The following PLCXD3 variants were observed in gnomAD, a reference collection of about 807,000 sequenced individuals.
The protein encoded by PLCXD3 is phosphatidylinositol specific phospholipase C X domain containing 3.
Under a neutral mutation model 25.5 loss-of-function variants are expected in PLCXD3, and 19 were observed. The observed-to-expected ratio is 0.75, with a 90% CI of 0.52 to 1.09. The LOEUF (loss-of-function observed/expected upper bound fraction) is 1.09. PLCXD3 is among the 50% of genes least tolerant of loss of function. The pLI is 0.00. For synonymous variants in PLCXD3, 174 were observed against 137.6 expected, an observed-to-expected ratio of 1.26 and a Z score of -1.85; for missense variants, 411 against 388.1, an observed-to-expected ratio of 1.06 and a Z score of -0.50.
intron 1 of PLCXD3, among the ~76,000 whole-genome samples, chr5:41,481,102 TAAAAAAAA>T (rs554092157): frequency 1.4e-5 from 1 of 72,908 alleles, no homozygotes; most frequent in Non-Finnish European, 2.6e-5. Flanking sequence ...ACCTAATTTG[TAAAAAAAA>T]AAAAAAAAAA....
chr5:41,407,744 T>A (rs1016300823), intron 1 of PLCXD3, among the ~76,000 whole-genome samples: 13 of 152,208 alleles, frequency 8.5e-5, no homozygotes, highest in African/African-American at 3.1e-4. Flanking sequence ...ATACATTTTT[T>A]AATATTAAAC....
chr5:41,504,600 G>T (rs991173870), intron 1 of PLCXD3, among the ~76,000 whole-genome samples: 2 of 152,188 alleles, frequency 1.3e-5, no homozygotes, highest in Admixed American at 6.5e-5. Flanking sequence ...CATGCTCAAT[G>T]TTGGGCCTCT....
At chr5:41,491,675 T>G (rs1377961770) in intron 1 of PLCXD3, among the ~76,000 whole-genome samples, 1 of 152,108 alleles carries the variant, frequency 6.6e-6, no homozygotes, top group African/African-American at 2.4e-5. Flanking sequence ...ATTCATCCCT[T>G]TAGCATTATG....
intron 2 of PLCXD3, among the ~76,000 whole-genome samples, chr5:41,319,788 G>GA (rs914818593): frequency 2.6e-5 from 4 of 151,708 alleles, no homozygotes; most frequent in Non-Finnish European, 4.4e-5. Flanking sequence ...CAATTGAAAT[G>GA]AAAAAAATAC....
At chr5:41,363,338 A>AT (rs1422959588) in intron 2 of PLCXD3, among the ~76,000 whole-genome samples, 1 of 152,206 alleles carries the variant, frequency 6.6e-6, no homozygotes, top group African/African-American at 2.4e-5. Flanking sequence ...TGTTCTGTAA[A>AT]TATCTACTGC....
At position 41,381,325 on chromosome 5, in the gene PLCXD3, C is replaced by T. The variant is rs139851442; in HGVS notation, c.812+501G>A. ...TTGATCTGTGGTCCACAAAAATACACGTTAAAGTCCTAACCCCTGCTACAT... is the reference window on the plus strand; with the variant it reads ...TTGATCTGTGGTCCACAAAAATACATGTTAAAGTCCTAACCCCTGCTACAT... On this transcript the variant is annotated intron_variant, in intron 2 of 2. Coordinates refer to ENST00000377801, the MANE Select transcript of PLCXD3 (RefSeq NM_001005473.3). Among the ~76,000 whole-genome samples, 19 of 152,148 alleles carry T rather than the reference C, an allele frequency of 1.2e-4. No homozygotes were observed. The East Asian group carries it at 3.3e-3, about 26-fold the overall frequency.
At chr5:41,464,724 A>G (rs1171521581) in intron 1 of PLCXD3, among the ~76,000 whole-genome samples, 2 of 152,030 alleles carry the variant, frequency 1.3e-5, no homozygotes, top group Non-Finnish European at 2.9e-5. Context: ...ATTCTCATCC[A>G]TTATCTCATT....
chr5:41,473,727 A>C (rs1350885635), intron 1 of PLCXD3, among the ~76,000 whole-genome samples: 2 of 152,060 alleles, frequency 1.3e-5, no homozygotes, highest in Non-Finnish European at 2.9e-5. Context: ...AAGTGTTGGG[A>C]TCACAGGCGT....
rs1029551714 is a variant in PLCXD3, at chr5:41,313,553, A to C, written c.*64T>G. ...GGAATAGGAAGATCAGAGTGTTTAC[A>C]GATAGTATGCCCTAATACAATGAGC... On this transcript the variant is annotated 3_prime_UTR_variant, in exon 3 of 3. Coordinates refer to ENST00000377801, the MANE Select transcript of PLCXD3 (RefSeq NM_001005473.3). 1.8e-5 allele frequency: 28 copies of C among 1,586,926 alleles called. No homozygotes were observed. Among genetic ancestry groups the C allele is most frequent in the Non-Finnish European group, 2.4e-5 (28 of 1,156,656 alleles).
intron 1 of PLCXD3, among the ~76,000 whole-genome samples, chr5:41,487,213 T>C (rs1748539321): frequency 6.6e-6 from 1 of 152,230 alleles, no homozygotes; most frequent in Non-Finnish European, 1.5e-5. Context: ...TCAATTATCA[T>C]GTGCCTCATT....
chr5:41,333,643 C>T (rs1189506572), intron 2 of PLCXD3, among the ~76,000 whole-genome samples: 1 of 151,944 alleles, frequency 6.6e-6, no homozygotes, highest in South Asian at 2.1e-4. Flanking sequence ...ATATTTTTCC[C>T]CTAAAATTAC....
intron 2 of PLCXD3, among the ~76,000 whole-genome samples, chr5:41,342,852 T>G (rs958053491): frequency 6.6e-6 from 1 of 152,122 alleles, no homozygotes; most frequent in African/African-American, 2.4e-5. Context: ...GCTTCACAAT[T>G]TGAAAAATAT....
At chr5:41,503,552 A>G (rs928762079) in intron 1 of PLCXD3, among the ~76,000 whole-genome samples, 3 of 152,066 alleles carry the variant, frequency 2.0e-5, no homozygotes, top group African/African-American at 7.2e-5. Flanking sequence ...ATATTTAACC[A>G]TCTCCTCCTA....
rs1375534480 is a variant in PLCXD3 at position 41,501,125 on chromosome 5, C to G, written c.103+9299G>C. Among the ~76,000 whole-genome samples, 2 of 151,920 alleles carry G rather than the reference C, an allele frequency of 1.3e-5. 1 individual carries two copies. Among genetic ancestry groups the G allele is most frequent in the South Asian group, 4.1e-4 (2 of 4,822 alleles). On this transcript the variant is annotated intron_variant, in intron 1 of 2. Coordinates refer to ENST00000377801, the MANE Select transcript of PLCXD3 (RefSeq NM_001005473.3). Reference sequence around the variant, plus strand: ...TTGGTGGAAGTGTAAAATTGTGCAGCCTCTATGGAGAACAGAATGGAATTA... The same window carrying G: ...TTGGTGGAAGTGTAAAATTGTGCAGGCTCTATGGAGAACAGAATGGAATTA...
At chr5:41,336,775 T>C (rs1349479906) in intron 2 of PLCXD3, among the ~76,000 whole-genome samples, 1 of 152,184 alleles carries the variant, frequency 6.6e-6, no homozygotes, top group Non-Finnish European at 1.5e-5. Flanking sequence ...CCCCCACAGC[T>C]CCTGCAGTCT....
chr5:41,491,691 T>C (rs318049), intron 1 of PLCXD3, among the ~76,000 whole-genome samples: 1 of 151,950 alleles, frequency 6.6e-6, no homozygotes, highest in South Asian at 2.1e-4. Flanking sequence ...TTATGTAATG[T>C]CCTTCTTTGT....
chr5:41,325,511 T>A (rs2150471615), intron 2 of PLCXD3, among the ~76,000 whole-genome samples: 1 of 152,350 alleles, frequency 6.6e-6, no homozygotes, highest in Middle Eastern at 3.4e-3. Flanking sequence ...CTCCATGAAA[T>A]TTTAATACTA....
chr5:41,395,365 C>T (rs1279318166), intron 1 of PLCXD3, among the ~76,000 whole-genome samples: 1 of 151,246 alleles, frequency 6.6e-6, no homozygotes, highest in Non-Finnish European at 1.5e-5. Flanking sequence ...GTGCCTACAT[C>T]AAAACAAGGA....
intron 1 of PLCXD3, among the ~76,000 whole-genome samples, chr5:41,399,716 T>C (rs931821429): frequency 2.6e-5 from 4 of 152,084 alleles, no homozygotes; most frequent in Non-Finnish European, 5.9e-5. Flanking sequence ...AAGACTTAAA[T>C]CTAAGACCTA....
Sources: allele counts gnomAD v4.1 joint callset (sites outside exome capture counted in the v4.1 genomes callset), GRCh38; gene constraint gnomAD v4.1.1; transcripts MANE v1.5; gene names NCBI Gene and HGNC (gene_info 2026-07-23, HGNC 2026-07-21).